Variants in CTNNA3 observed in about 807,000 individuals in gnomAD.
The protein encoded by CTNNA3 is catenin alpha 3.
In CTNNA3, 76 loss-of-function variants were observed where a neutral mutation model predicts 95.7. The ratio of observed to expected loss-of-function variants is 0.79; its 90% CI spans 0.66 to 0.96. CTNNA3 has a LOEUF of 0.96. Ranked by LOEUF, CTNNA3 falls within the 40% of genes least tolerant of loss-of-function variation. The pLI is 0.00. For missense variants in CTNNA3, 1,191 were observed against 1,089.8 expected, an observed-to-expected ratio of 1.09 and a Z score of -1.31; for synonymous variants, 431 against 374.4, an observed-to-expected ratio of 1.15 and a Z score of -1.74.
chr10:67,452,061 T>TGGAAAGAAGGAA (rs1554838688), intron 5 of CTNNA3, among the ~76,000 whole-genome samples: 1 of 121,006 alleles, frequency 8.3e-6, no homozygotes, highest in African/African-American at 3.1e-5. Flanking sequence ...GAGGGAGGAA[T>TGGAAAGAAGGAA]GGAAGGAAGG....
intron 10 of CTNNA3, among the ~76,000 whole-genome samples, chr10:66,570,075 A>G (rs1842823661): frequency 6.6e-6 from 1 of 152,084 alleles, no homozygotes; most frequent in Non-Finnish European, 1.5e-5. Flanking sequence ...TTCCAAAATG[A>G]GGTGTAAGAG....
chr10:67,277,780 C>T (rs1007731076), intron 5 of CTNNA3, among the ~76,000 whole-genome samples: 5 of 152,120 alleles, frequency 3.3e-5, no homozygotes, highest in Non-Finnish European at 5.9e-5. Flanking sequence ...AAGACACTCC[C>T]ACCAGTGTCA....
intron 10 of CTNNA3, among the ~76,000 whole-genome samples, chr10:66,567,270 T>A (rs1322809674): frequency 6.6e-6 from 1 of 152,020 alleles, no homozygotes; most frequent in East Asian, 1.9e-4. Context: ...AAAGAGATGA[T>A]GTTTCTGTAT....
chr10:66,452,302 T>C (rs1436062015), intron 11 of CTNNA3, among the ~76,000 whole-genome samples: 3 of 152,218 alleles, frequency 2.0e-5, no homozygotes, highest in African/African-American at 7.2e-5. Context: ...GCCTGAAACC[T>C]AGTAATGATA....
chr10:67,268,045 A>C (rs1169111739), intron 5 of CTNNA3, among the ~76,000 whole-genome samples: 1 of 152,152 alleles, frequency 6.6e-6, no homozygotes, highest in South Asian at 2.1e-4. Context: ...GAAAATGAGT[A>C]ATCTGAAATA....
chr10:66,747,213 C>T (rs1393971000), intron 9 of CTNNA3, among the ~76,000 whole-genome samples: 4 of 152,148 alleles, frequency 2.6e-5, no homozygotes, highest in African/African-American at 4.8e-5. Flanking sequence ...GGCCTTAATG[C>T]TTTTTAATTT....
chr10:66,933,267 C>T (rs762871970), intron 7 of CTNNA3, among the ~76,000 whole-genome samples: 1 of 152,210 alleles, frequency 6.6e-6, no homozygotes, highest in Non-Finnish European at 1.5e-5. Flanking sequence ...ACAGCTTCTT[C>T]CACCTCATGT....
At chr10:66,860,751 A>C (rs1843886644) in intron 7 of CTNNA3, among the ~76,000 whole-genome samples, 1 of 152,236 alleles carries the variant, frequency 6.6e-6, no homozygotes. Context: ...CTGAGAGTAC[A>C]TGAAATTTTT....
intron 7 of CTNNA3, among the ~76,000 whole-genome samples, chr10:66,950,955 T>G (rs1020031062): frequency 6.6e-6 from 1 of 152,162 alleles, no homozygotes; most frequent in East Asian, 1.9e-4. Flanking sequence ...CTTGTCACTG[T>G]GCAGAAACTC....
chr10:66,117,681 T>A (rs550645137), intron 13 of CTNNA3, among the ~76,000 whole-genome samples: 1 of 152,334 alleles, frequency 6.6e-6, no homozygotes, highest in East Asian at 1.9e-4. Context: ...GCTGGCAATA[T>A]GGCAGCAAAT....
chr10:66,263,675 G>A (rs2091073314), intron 13 of CTNNA3, among the ~76,000 whole-genome samples: 1 of 151,932 alleles, frequency 6.6e-6, no homozygotes, highest in South Asian at 2.1e-4. Context: ...CCCAGTGGAA[G>A]TATGCTGGTC....
intron 5 of CTNNA3, among the ~76,000 whole-genome samples, chr10:67,306,664 T>C (rs1313674500): frequency 6.6e-6 from 1 of 152,176 alleles, no homozygotes; most frequent in Non-Finnish European, 1.5e-5. Context: ...TACCAGCTAA[T>C]AGCTCCTCAG....
intron 5 of CTNNA3, among the ~76,000 whole-genome samples, chr10:67,493,138 A>T (rs1225209125): frequency 5.3e-5 from 8 of 151,998 alleles, no homozygotes; most frequent in Non-Finnish European, 8.8e-5. Context: ...TTTTTTTAAA[A>T]GGCGGGGGTT....
At chr10:67,587,699 T>C (rs552619216) in intron 3 of CTNNA3, among the ~76,000 whole-genome samples, 23 of 152,268 alleles carry the variant, frequency 1.5e-4, no homozygotes, top group Non-Finnish European at 2.6e-4. Flanking sequence ...CCTTTTTGCA[T>C]TGTATTTATT....
chr10:66,135,034 T>C (rs1454118807), intron 13 of CTNNA3, among the ~76,000 whole-genome samples: 2 of 152,244 alleles, frequency 1.3e-5, no homozygotes, highest in East Asian at 1.9e-4. Flanking sequence ...ATTGGAGAAC[T>C]AGAATTCTTA....
intron 1 of CTNNA3, among the ~76,000 whole-genome samples, chr10:67,705,452 A>T (rs1394407324): frequency 2.7e-5 from 4 of 149,730 alleles, no homozygotes; most frequent in Admixed American, 6.6e-5. Flanking sequence ...GCAGCCATAA[A>T]AAATGATGAG....
chr10:67,560,273 ACT>A (rs1451577734), intron 3 of CTNNA3, among the ~76,000 whole-genome samples: 3 of 151,296 alleles, frequency 2.0e-5, no homozygotes, highest in Non-Finnish European at 3.0e-5. Context: ...AGCCCAGCAG[ACT>A]AACAGCGGAT....
chr10:67,516,098 G>A (rs960514439), intron 5 of CTNNA3, among the ~76,000 whole-genome samples: 9 of 152,108 alleles, frequency 5.9e-5, no homozygotes, highest in African/African-American at 2.2e-4. Context: ...GAGTAGCTGC[G>A]ATTACAGTTG....
chr10:66,694,746 T>G (rs1847693877), intron 9 of CTNNA3, among the ~76,000 whole-genome samples: 1 of 152,184 alleles, frequency 6.6e-6, no homozygotes, highest in Admixed American at 6.6e-5. Context: ...TCTACATCTG[T>G]GAATTCCAAG....
Sources: allele counts gnomAD v4.1 joint callset (sites outside exome capture counted in the v4.1 genomes callset), GRCh38; gene constraint gnomAD v4.1.1; transcripts MANE v1.5; gene names NCBI Gene and HGNC (gene_info 2026-07-23, HGNC 2026-07-21).